TNFAIP8: variants seen among roughly 807,000 people sequenced by gnomAD.
The protein encoded by TNFAIP8 is TNF alpha induced protein 8, also known as tumor necrosis factor alpha-induced protein 8.
Under a neutral mutation model 13.3 loss-of-function variants are expected in TNFAIP8, and 7 were observed. The observed-to-expected ratio is 0.52, with a 90% confidence interval of 0.30 to 0.99. TNFAIP8 has a LOEUF of 0.99. Among genes scored for constraint, TNFAIP8 ranks in the 50% least tolerant of loss-of-function variants. The pLI is 0.07. For synonymous variants in TNFAIP8, 94 were observed against 87.6 expected (o/e 1.07, Z -0.41); for missense variants, 258 against 236.9 (o/e 1.09, Z -0.58).
intron 1 of TNFAIP8, among the ~76,000 whole-genome samples, chr5:119,315,426 C>A (rs1749862792): frequency 6.6e-6 from 1 of 152,134 alleles, no homozygotes; most frequent in Non-Finnish European, 1.5e-5. Context: ...GGAGAAGAAT[C>A]CTTATTATGT....
At chr5:119,369,975 T>A (rs139833961) in intron 1 of TNFAIP8, among the ~76,000 whole-genome samples, 1 of 152,192 alleles carries the variant, frequency 6.6e-6, no homozygotes, top group Non-Finnish European at 1.5e-5. Context: ...CTGAAATGAA[T>A]TGTCTTTCAA....
At chr5:119,355,487 C>T (rs1468164366), upstream of TNFAIP8, 5 of 616,256 alleles carry the variant, frequency 8.1e-6, no homozygotes, top group Admixed American at 8.2e-5. Flanking sequence ...ACCCCATGGA[C>T]GATATCCATG....
intron 1 of TNFAIP8, among the ~76,000 whole-genome samples, chr5:119,386,699 T>TGG (rs1752689562): frequency 6.6e-6 from 1 of 152,178 alleles, no homozygotes; most frequent in South Asian, 2.1e-4. Flanking sequence ...CTTAACCACT[T>TGG]GGGGGGATGT....
chr5:119,344,320 C>T (rs1361433285), intron 1 of TNFAIP8, among the ~76,000 whole-genome samples: 2 of 152,118 alleles, frequency 1.3e-5, no homozygotes, highest in Non-Finnish European at 2.9e-5. Context: ...AGAACCAGCT[C>T]TCGCATGAAC....
intron 1 of TNFAIP8, among the ~76,000 whole-genome samples, chr5:119,367,409 G>T (rs976258075): frequency 6.6e-5 from 10 of 152,180 alleles, no homozygotes; most frequent in African/African-American, 2.4e-4. Flanking sequence ...GGGAGGGAGA[G>T]AACTGTTATA....
rs544284249 is a variant in TNFAIP8 at position 119,288,376 on chromosome 5, A to G, written c.1+19469A>G. Among the ~76,000 whole-genome samples, 15 of 152,348 alleles carry G rather than the reference A, an allele frequency of 9.8e-5. 1 individual carries two copies. The East Asian group carries it at 1.2e-3, about 12-fold the overall frequency. ...CCTTGAGGGAATGTCAGCATCATCT[A>G]TTCCTAAAAGGCACGGTCTTATTCT... is the stretch of plus-strand genomic sequence containing the variant. On this transcript the variant is annotated intron_variant, in intron 1 of 1. Transcript: ENST00000274456.
At chr5:119,336,518 G>A (rs1174358011) in intron 1 of TNFAIP8, among the ~76,000 whole-genome samples, 1 of 152,042 alleles carries the variant, frequency 6.6e-6, no homozygotes, top group East Asian at 1.9e-4. Context: ...GAAAGCCTTA[G>A]ACTTCTTATA....
rs1203486564 is a variant in TNFAIP8, at chr5:119,398,968, C to T, written c.*5587C>T. The T allele has an allele frequency of 2.0e-5, 3 of 152,146 alleles. No individual in the cohort carries two copies. Among genetic ancestry groups the T allele is most frequent in the Non-Finnish European group, 4.4e-5 (3 of 68,036 alleles). The allele number at this position is 152,146 out of a possible 1,614,324, so 9.4% of individuals were successfully genotyped here. A position where few individuals can be genotyped will look rare whatever the true frequency, so the allele number is the denominator to read the frequency against. On this transcript the variant is annotated 3_prime_UTR_variant, in exon 2 of 2. Transcript: ENST00000504771. The stretch of plus-strand genomic sequence containing the variant: ...ATTGGTTTTCACTAAAGGATAAATA[C>T]CTGCTAAGCAAATTATAAAATACTA...
At chr5:119,335,717 G>A (rs1750529804) in intron 1 of TNFAIP8, among the ~76,000 whole-genome samples, 1 of 152,072 alleles carries the variant, frequency 6.6e-6, no homozygotes, top group African/African-American at 2.4e-5. Flanking sequence ...CTAAGGCAGT[G>A]AACAAAGCAG....
chr5:119,391,407 A>G (rs1368219105), intron 1 of TNFAIP8: 2 of 702,362 alleles, frequency 2.8e-6, no homozygotes, highest in South Asian at 3.0e-5. Context: ...AACAGTTGCC[A>G]CTCGACTCAG....
At chr5:119,389,692 A>T (rs1460277313) in intron 1 of TNFAIP8, among the ~76,000 whole-genome samples, 1 of 152,156 alleles carries the variant, frequency 6.6e-6, no homozygotes, top group Non-Finnish European at 1.5e-5. Context: ...GTGGAGGGGG[A>T]GAAAGAGCTT....
intron 1 of TNFAIP8, among the ~76,000 whole-genome samples, chr5:119,310,168 C>T (rs1749686027): frequency 6.6e-6 from 1 of 152,186 alleles, no homozygotes; most frequent in African/African-American, 2.4e-5. Flanking sequence ...TCTGTCAGAA[C>T]TCAGATGCAT....
At chr5:119,278,376 A>AGT (rs71591297) in intron 1 of TNFAIP8, among the ~76,000 whole-genome samples, 2,053 of 108,180 alleles carry the variant, frequency 0.019, 46 homozygotes, top group African/African-American at 0.059. Flanking sequence ...AGAGAGAGAG[A>AGT]GTGTGTGTGT....
intron 1 of TNFAIP8, among the ~76,000 whole-genome samples, chr5:119,392,613 A>G (rs534456883): frequency 6.6e-6 from 1 of 152,182 alleles, no homozygotes; most frequent in African/African-American, 2.4e-5. Context: ...CAGTCTCCCA[A>G]AGTGTTGGGA....
chr5:119,313,415 G>C lies in TNFAIP8; in HGVS notation c.1+44508G>C, dbSNP rs181111419. The stretch of plus-strand genomic sequence containing the variant: ...GGAGGGAGAGAAGGAAGGGGAGTAG[G>C]TTTTGCTTTCACTTTCTTGAGACCA... On this transcript the variant is annotated intron_variant, in intron 1 of 1. Coordinates refer to the TNFAIP8 transcript ENST00000274456. Among the ~76,000 whole-genome samples, 198 of 152,242 alleles carry C rather than the reference G, an allele frequency of 1.3e-3. 2 individuals are homozygous for C. Among genetic ancestry groups the C allele is most frequent in the African/African-American group, 4.5e-3 (186 of 41,554 alleles).
chr5:119,278,347 A>AG (rs1748518974), intron 1 of TNFAIP8, among the ~76,000 whole-genome samples: 3 of 100,886 alleles, frequency 3.0e-5, no homozygotes, highest in Admixed American at 9.7e-5. Flanking sequence ...TTAAGACAGG[A>AG]AGGGGGAGAG....
In TNFAIP8 at chr5:119,341,814, T is replaced by A. The variant is rs1193191347; in HGVS notation, c.2-51002T>A. Reference sequence around the variant, plus strand: ...TTTACATCATTTAAAAAAATTTGCATCACTGAAGAGAAGGAACCCTAATCA... The same window carrying A: ...TTTACATCATTTAAAAAAATTTGCAACACTGAAGAGAAGGAACCCTAATCA... On this transcript the variant is annotated intron_variant, in intron 1 of 1. Transcript: ENST00000274456. Among the ~76,000 whole-genome samples, 4 of 152,176 alleles carry A rather than the reference T, an allele frequency of 2.6e-5. No individual in the cohort carries two copies. The East Asian group carries it at 7.7e-4, about 29-fold the overall frequency.
At chr5:119,307,960 T>A (rs2112664673) in intron 1 of TNFAIP8, among the ~76,000 whole-genome samples, 1 of 152,296 alleles carries the variant, frequency 6.6e-6, no homozygotes, top group East Asian at 1.9e-4. Flanking sequence ...CCAGCCTTCA[T>A]TTGCTAAAGA....
At chr5:119,381,249 A>G (rs1403611096) in intron 1 of TNFAIP8, among the ~76,000 whole-genome samples, 1 of 152,124 alleles carries the variant, frequency 6.6e-6, no homozygotes, top group African/African-American at 2.4e-5. Flanking sequence ...CTTCTTGAAA[A>G]CCAAGTATTG....
Sources: allele counts gnomAD v4.1 joint callset (sites outside exome capture counted in the v4.1 genomes callset), GRCh38; gene constraint gnomAD v4.1.1; transcripts MANE v1.5; gene names NCBI Gene and HGNC (gene_info 2026-07-23, HGNC 2026-07-21).